The following STPG2 variants were observed in gnomAD, a reference collection of about 807,000 sequenced individuals.
The protein encoded by STPG2 is sperm tail PG-rich repeat containing 2, also known as sperm-tail PG-rich repeat-containing protein 2.
Under a neutral mutation model 54.2 loss-of-function variants are expected in STPG2, and 56 were observed. The ratio of observed to expected loss-of-function variants is 1.03; its 90% confidence interval spans 0.83 to 1.29. STPG2 has a LOEUF of 1.29. Among genes scored for constraint, STPG2 ranks in the 50% most tolerant of loss-of-function variants. STPG2 has a pLI of 0.00. For synonymous variants in STPG2, 200 were observed against 181.8 expected, an observed-to-expected ratio of 1.10 and a Z score of -0.81; for missense variants, 596 against 544.9, an observed-to-expected ratio of 1.09 and a Z score of -0.93.
At chr4:97,562,275 T>C (rs1170004369) in intron 10 of STPG2, among the ~76,000 whole-genome samples, 1 of 152,210 alleles carries the variant, frequency 6.6e-6, no homozygotes, top group Non-Finnish European at 1.5e-5. Context: ...TGCCTGTGAT[T>C]TTTGCACATT....
Position 97,751,900 on chromosome 4 carries a change from T to C in STPG2, c.1205-39086A>G, listed in dbSNP as rs112284422. On this transcript the variant is annotated intron_variant, in intron 9 of 10. Coordinates refer to ENST00000295268, the MANE Select transcript of STPG2 (RefSeq NM_174952.3). ...TCAGATGTTTCTTAGGGTCTCTTTC[T>C]AGGCATACACATAACCATCTTCCCA... 5.7e-3 allele frequency among the ~76,000 whole-genome samples: 864 copies of C among 151,804 alleles called. 5 individuals are homozygous for C. The highest frequency in any genetic ancestry group is 0.02 in the Middle Eastern group (6 of 294).
chr4:97,541,135 G>C (rs1415963352), intron 4 of STPG2, among the ~76,000 whole-genome samples: 1 of 152,180 alleles, frequency 6.6e-6, no homozygotes, highest in African/African-American at 2.4e-5. Context: ...TCAGGCAGGA[G>C]AAGGAAATAA....
chr4:97,879,921 C>T (rs1196827857), intron 8 of STPG2, among the ~76,000 whole-genome samples: 2 of 152,040 alleles, frequency 1.3e-5, no homozygotes, highest in African/African-American at 4.8e-5. Flanking sequence ...ATAGAGTTAC[C>T]ATATTATCCA....
At chr4:97,591,515 G>A (rs1197750805) in intron 10 of STPG2, among the ~76,000 whole-genome samples, 1 of 152,112 alleles carries the variant, frequency 6.6e-6, no homozygotes, top group African/African-American at 2.4e-5. Flanking sequence ...GAGAATTTTT[G>A]TAGTTATAAA....
intron 9 of STPG2, among the ~76,000 whole-genome samples, chr4:97,827,804 G>T (rs1728308229): frequency 6.6e-6 from 1 of 152,030 alleles, no homozygotes; most frequent in Non-Finnish European, 1.5e-5. Context: ...GCCAATAAAA[G>T]ACCCTTAAGA....
At chr4:98,133,036 A>T (rs11931166) in intron 2 of STPG2, among the ~76,000 whole-genome samples, 59,777 of 151,012 alleles carry the variant, frequency 0.4, 12,081 homozygotes, top group Middle Eastern at 0.46. Flanking sequence ...AATTATTTTC[A>T]TGAATAACAT....
chr4:97,578,859 G>A (rs1053094867), intron 10 of STPG2, among the ~76,000 whole-genome samples: 1 of 152,038 alleles, frequency 6.6e-6, no homozygotes. Context: ...TAGGTATTGG[G>A]TTCAAAGCTA....
chr4:97,742,732 G>T (rs1725301162), intron 9 of STPG2, among the ~76,000 whole-genome samples: 1 of 129,982 alleles, frequency 7.7e-6, no homozygotes, highest in East Asian at 2.2e-4. Context: ...AACAAAAACA[G>T]AGTAAAACAG....
intron 10 of STPG2, among the ~76,000 whole-genome samples, chr4:97,607,219 G>A (rs550856180): frequency 6.6e-6 from 1 of 151,954 alleles, no homozygotes; most frequent in Non-Finnish European, 1.5e-5. Context: ...TGCTGCTACA[G>A]AATCCAATGC....
chr4:97,918,319 C>G (rs751006154), intron 8 of STPG2, among the ~76,000 whole-genome samples: 2 of 152,060 alleles, frequency 1.3e-5, no homozygotes, highest in Non-Finnish European at 2.9e-5. Context: ...ATTCAGGATT[C>G]TGAATTGATA....
chr4:97,519,188 G>A (rs567754117), intron 4 of STPG2, among the ~76,000 whole-genome samples: 3 of 152,166 alleles, frequency 2.0e-5, no homozygotes, highest in South Asian at 2.1e-4. Flanking sequence ...GCATAGAAGA[G>A]ATAGAAAAGT....
intron 8 of STPG2, among the ~76,000 whole-genome samples, chr4:97,928,551 C>T (rs1301999242): frequency 6.6e-6 from 1 of 152,052 alleles, no homozygotes; most frequent in Non-Finnish European, 1.5e-5. Context: ...TAAAAATGTC[C>T]TCCTTTGACC....
intron 5 of STPG2, among the ~76,000 whole-genome samples, chr4:98,072,444 T>C (rs1738032448): frequency 6.6e-6 from 1 of 152,086 alleles, no homozygotes; most frequent in South Asian, 2.1e-4. Flanking sequence ...TAACAGCTAA[T>C]GGATGTTGGG....
At chr4:97,698,934 C>T (rs1723676155) in intron 10 of STPG2, among the ~76,000 whole-genome samples, 1 of 152,114 alleles carries the variant, frequency 6.6e-6, no homozygotes, top group African/African-American at 2.4e-5. Flanking sequence ...GTGTGGAATA[C>T]CATGACAGTG....
At chr4:97,601,928 AT>A (rs1733472921) in intron 10 of STPG2, among the ~76,000 whole-genome samples, 1 of 151,824 alleles carries the variant, frequency 6.6e-6, no homozygotes, top group African/African-American at 2.4e-5. Flanking sequence ...ACATTTTTCC[AT>A]TTATTTTGGT....
intron 8 of STPG2, among the ~76,000 whole-genome samples, chr4:97,865,496 T>C (rs1729734308): frequency 6.6e-6 from 1 of 152,174 alleles, no homozygotes; most frequent in Non-Finnish European, 1.5e-5. Flanking sequence ...GGTGGGACTG[T>C]AAACTAGTTG....
At chr4:97,713,345 G>A (rs776308446) in intron 9 of STPG2, among the ~76,000 whole-genome samples, 5 of 152,174 alleles carry the variant, frequency 3.3e-5, no homozygotes, top group Non-Finnish European at 7.3e-5. Flanking sequence ...TTAAGCCAAT[G>A]GGTTCCAACT....
intron 7 of STPG2, among the ~76,000 whole-genome samples, chr4:97,957,148 G>GTGAAATATATA (rs1381169940): frequency 1.4e-5 from 2 of 144,792 alleles, no homozygotes; most frequent in Admixed American, 6.9e-5. Context: ...AAATATACAT[G>GTGAAATATATA]TGAAATATAT....
chr4:97,457,975 CAT>C (rs1283891825), intron 4 of STPG2, among the ~76,000 whole-genome samples: 1 of 152,208 alleles, frequency 6.6e-6, no homozygotes, highest in Non-Finnish European at 1.5e-5. Flanking sequence ...GATGACAGCA[CAT>C]AATCAGAGGT....
Sources: allele counts gnomAD v4.1 joint callset (sites outside exome capture counted in the v4.1 genomes callset), GRCh38; gene constraint gnomAD v4.1.1; transcripts MANE v1.5; gene names NCBI Gene and HGNC (gene_info 2026-07-23, HGNC 2026-07-21).